Variants in GPR137 observed in about 807,000 individuals in gnomAD.
GPR137 encodes integral membrane protein GPR137.
In GPR137, 20 loss-of-function variants were observed where a neutral mutation model predicts 38.9. That is an observed-to-expected ratio of 0.51 (90% CI 0.36 to 0.75). The LOEUF is 0.75. GPR137 is among the 30% of genes least tolerant of loss of function. The pLI is 0.00. For synonymous variants in GPR137, 226 were observed against 235.8 expected (o/e 0.96, Z 0.38); for missense variants, 456 against 526.4 (o/e 0.87, Z 1.31).
chr11:64,284,785 A>ACCCGG, upstream of GPR137: 4 of 1,528,416 alleles, frequency 2.6e-6, no homozygotes, highest in Non-Finnish European at 3.5e-6. Context: ...GGCGGGGTCA[A>ACCCGG]CCCGGCCCGG....
At chr11:64,276,284 G>GTATATATT (rs1264539670) in intron 1 of GPR137, 4 of 109,258 alleles carry the variant, frequency 3.7e-5, no homozygotes, top group African/African-American at 5.8e-5. Context: ...TTATGTGTGT[G>GTATATATT]TGTGTGTATA....
Position 64,286,434 on chromosome 11 carries a change from C to A in GPR137, c.-91C>A. ...GAGCGCCCCATCTCCCTCTCTGCAC[C>A]CTGCAATTCCCACCCCTCCGTATTT... On this transcript the variant is annotated 5_prime_UTR_variant, in exon 1 of 7. Transcript: ENST00000438980. The A allele has an allele frequency of 6.6e-7, 1 of 1,523,334 alleles. No homozygotes were observed. Among genetic ancestry groups the A allele is most frequent in the Non-Finnish European group, 8.8e-7 (1 of 1,137,664 alleles). The allele number at this position is 1,523,334 out of a possible 1,614,324, so 94.4% of individuals were successfully genotyped here. A position where few individuals can be genotyped will look rare whatever the true frequency, so the allele number is the denominator to read the frequency against.
At chr11:64,285,620 G>A (rs887546951), upstream of GPR137, 6 of 985,036 alleles carry the variant, frequency 6.1e-6, no homozygotes, top group African/African-American at 3.5e-5. Flanking sequence ...AAAGGCGGGC[G>A]GCACGGGGCA....
At chr11:64,273,431 T>C (rs147286974), upstream of GPR137, among the ~76,000 whole-genome samples, 2 of 152,248 alleles carry the variant, frequency 1.3e-5, no homozygotes, top group East Asian at 1.9e-4. Context: ...GCAAGTGCAC[T>C]ATGGGTTATT....
At chr11:64,284,664 C>T (rs1436763751), upstream of GPR137, 24 of 1,534,988 alleles carry the variant, frequency 1.6e-5, no homozygotes, top group Admixed American at 4.7e-4. Flanking sequence ...TGACCCGGGC[C>T]TGCCGCCTCC....
chr11:64,286,806 C>G lies in GPR137; in HGVS notation c.282C>G (p.Pro94=). ...TPRANRLGPL[P]FWLLYCCPVC... is the part of the protein sequence containing the mutation. ...GCGCCAACCGCCTGGGGCCCTTGCC[C>G]TTCTGGCTTCTCTACTGCTGCCCCG... Residue 94 remains proline (P), a synonymous_variant, in exon 1 of 7, where the codon CCC becomes CCG. Coordinates refer to ENST00000438980, the MANE Select transcript of GPR137 (RefSeq NM_001170880.2). The G allele has an allele frequency of 6.2e-7, 1 of 1,603,544 alleles. No homozygotes were observed. Among genetic ancestry groups the G allele is most frequent in the Non-Finnish European group, 8.5e-7 (1 of 1,173,442 alleles).
Position 64,289,047 on chromosome 11 carries a change from AG to A in GPR137, c.1043del (p.Ser348IlefsTer2). On this transcript the variant is annotated frameshift_variant, in exon 7 of 7. Transcript: ENST00000438980. LOFTEE classifies it high-confidence loss of function. ...GTTTCTCTGCTGCAGTATGTCGGGCAGTCTAGGCTCTGGGAGCTGGTATGGT... is the reference window on the plus strand; with the variant it reads ...GTTTCTCTGCTGCAGTATGTCGGGCATCTAGGCTCTGGGAGCTGGTATGGT... ...SRGESTSMSGSLGSGSWYGAI... is the reference protein window; with the variant it reads ...SRGESTSMSGXLGSGSWYGAI... 6.3e-7 allele frequency: 1 copy of A among 1,582,354 alleles called. No individual in the cohort carries two copies. The highest frequency in any genetic ancestry group is 8.6e-7 in the Non-Finnish European group (1 of 1,168,000).
upstream of GPR137, chr11:64,285,121 TG>T: frequency 7.8e-6 from 8 of 1,021,446 alleles, no homozygotes; most frequent in Non-Finnish European, 9.4e-6. Context: ...ATGTGATTAT[TG>T]TTGCTATTGT....
At chr11:64,272,116 C>T (rs754984748), upstream of GPR137, among the ~76,000 whole-genome samples, 7 of 152,148 alleles carry the variant, frequency 4.6e-5, no homozygotes, top group South Asian at 2.1e-4. Flanking sequence ...GTCAGGAGAT[C>T]GAGACCATCC....
chr11:64,286,741 C>G lies in GPR137; in HGVS notation c.217C>G (p.Arg73Gly). The G allele has an allele frequency of 6.2e-7, 1 of 1,613,048 alleles. No homozygotes were observed. The highest frequency in any genetic ancestry group is 8.5e-7 in the Non-Finnish European group (1 of 1,179,350). Residue 73 changes from arginine to glycine, a missense_variant, in exon 1 of 7, where the codon CGT becomes GGT. Physicochemically the swap from Arg to Gly is moderately radical, Grantham distance 125. Coordinates refer to ENST00000438980, the MANE Select transcript of GPR137 (RefSeq NM_001170880.2). The part of the protein sequence containing the change: ...LALCLLWAAL[R>G]TTLFSFYFRD... ...CCTCTGTCTGCTCTGGGCCGCCTTG[C>G]GTACCACCCTCTTCTCCTTCTACTT...
At chr11:64,282,032 T>C (rs1295920048), upstream of GPR137, among the ~76,000 whole-genome samples, 1 of 152,198 alleles carries the variant, frequency 6.6e-6, no homozygotes, top group African/African-American at 2.4e-5. Context: ...CTTAACTCTT[T>C]TACATGCTGC....
upstream of GPR137, among the ~76,000 whole-genome samples, chr11:64,281,697 T>TCC (rs909762191): frequency 5.3e-5 from 8 of 151,814 alleles, no homozygotes; most frequent in Non-Finnish European, 8.8e-5. Context: ...CTACCATCAC[T>TCC]CCCCCCGCCC....
upstream of GPR137, among the ~76,000 whole-genome samples, chr11:64,283,203 G>A (rs1404757376): frequency 1.3e-5 from 2 of 152,228 alleles, no homozygotes; most frequent in East Asian, 1.9e-4. Context: ...GGTCTTTTAA[G>A]CTGCAGTGCC....
upstream of GPR137, among the ~76,000 whole-genome samples, chr11:64,280,000 A>T (rs1175925024): frequency 6.6e-6 from 1 of 151,946 alleles, no homozygotes; most frequent in Non-Finnish European, 1.5e-5. Context: ...CCTGGCCAAC[A>T]TAGCAAGACC....
chr11:64,288,479 G>C lies in GPR137; in HGVS notation c.912+11G>C, dbSNP rs1452267737. ...CCCCCACAGGACCTGGTAAGGGTCT[G>C]CTCCCTCTTCTGTGGGGCCAGTGGA... On this transcript the variant is annotated intron_variant, in intron 5 of 6. Coordinates refer to ENST00000438980, the MANE Select transcript of GPR137 (RefSeq NM_001170880.2). This position sits in a 1 kb window ranked among gnomAD's most constrained non-coding sequence, Gnocchi z 5.5. 4 of 1,612,984 alleles carry C rather than the reference G, an allele frequency of 2.5e-6. No homozygotes were observed. The highest frequency in any genetic ancestry group is 3.4e-6 in the Non-Finnish European group (4 of 1,179,926).
upstream of GPR137, chr11:64,285,540 G>C (rs2033870516): frequency 2.1e-5 from 21 of 984,832 alleles, no homozygotes; most frequent in Non-Finnish European, 2.4e-5. Context: ...GCCGCCCCCG[G>C]CCGGGCGGCA....
At chr11:64,284,286 C>T (rs1305327730), upstream of GPR137, 1 of 1,611,932 alleles carries the variant, frequency 6.2e-7, no homozygotes, top group Non-Finnish European at 8.5e-7. Flanking sequence ...GGGCCCGTCC[C>T]CTGCGGGGCT....
At chr11:64,284,276 G>T, upstream of GPR137, 1 of 1,611,702 alleles carries the variant, frequency 6.2e-7, no homozygotes, top group East Asian at 2.2e-5. Flanking sequence ...CGGAGCCTGA[G>T]GGCCCGTCCC....
intron 2 of GPR137, among the ~76,000 whole-genome samples, chr11:64,277,770 G>A (rs1565348687): frequency 1.3e-5 from 2 of 152,116 alleles, no homozygotes; most frequent in African/African-American, 2.4e-5. Context: ...CTTTTCCTAA[G>A]TTAGCTGAAA....
Sources: allele counts gnomAD v4.1 joint callset (sites outside exome capture counted in the v4.1 genomes callset), GRCh38; gene constraint gnomAD v4.1.1; non-coding constraint Gnocchi (gnomAD v3.1); transcripts MANE v1.5; gene names NCBI Gene and HGNC (gene_info 2026-07-23, HGNC 2026-07-21).